Variants in RELN observed in about 807,000 individuals in gnomAD.
RELN encodes the protein reelin.
In RELN, 108 loss-of-function variants were observed where a neutral mutation model predicts 427.6. That is an observed-to-expected ratio of 0.25 (90% CI 0.22 to 0.30). The LOEUF is 0.30. RELN is among the 10% of genes least tolerant of loss of function. The pLI, the probability that RELN is intolerant of heterozygous loss-of-function variation, is 1.00. For missense variants in RELN, 3,715 were observed against 4,302.8 expected (o/e 0.86, Z 3.82); for synonymous variants, 1,524 against 1,513.4 (o/e 1.01, Z -0.16).
intron 20 of RELN, among the ~76,000 whole-genome samples, chr7:103,617,810 A>G (rs1477640221): frequency 6.6e-6 from 1 of 152,058 alleles, no homozygotes; most frequent in Non-Finnish European, 1.5e-5. Flanking sequence ...ATAGCGGTGG[A>G]TCTTTCATGA....
At chr7:103,835,960 T>TCA (rs1266094714) in intron 2 of RELN, among the ~76,000 whole-genome samples, 471 of 151,462 alleles carry the variant, frequency 3.1e-3, no homozygotes, top group African/African-American at 0.011. Context: ...TACCCTTTTT[T>TCA]TTTTTTTTTT....
intron 3 of RELN, among the ~76,000 whole-genome samples, chr7:103,798,572 A>G (rs1792367591): frequency 6.6e-6 from 1 of 152,168 alleles, no homozygotes; most frequent in Non-Finnish European, 1.5e-5. Flanking sequence ...CTGACTTCTC[A>G]GATATAGGAT....
rs182519899 is a variant in RELN, at chr7:103,757,524, T to C, written c.545-4310A>G. Among the ~76,000 whole-genome samples, 14 of 152,288 alleles carry C rather than the reference T, an allele frequency of 9.2e-5. No individual in the cohort carries two copies. In the East Asian group the frequency reaches 2.1e-3, roughly 23 times the overall value. On this transcript the variant is annotated intron_variant, in intron 4 of 64. Transcript: ENST00000428762. ...TTAAAACCTAGCAACGACATAAAAT[T>C]GTCAAATGGCTTAAACTAGGGAGTT...
chr7:103,766,728 C>T (rs912568661), intron 4 of RELN, among the ~76,000 whole-genome samples: 7 of 152,220 alleles, frequency 4.6e-5, no homozygotes, highest in African/African-American at 1.2e-4. Flanking sequence ...CTGCCTACCA[C>T]CACGATCCAA....
At chr7:103,718,312 TAAAAAC>T (rs1789991294) in intron 8 of RELN, among the ~76,000 whole-genome samples, 1 of 83,132 alleles carries the variant, frequency 1.2e-5, no homozygotes, top group Non-Finnish European at 2.6e-5. Context: ...CTTGAAATGA[TAAAAAC>T]AAAAACAAAG....
Position 103,530,350 on chromosome 7 carries a change from T to C in RELN, c.7349+4966A>G, listed in dbSNP as rs1416648830. 2.0e-5 allele frequency among the ~76,000 whole-genome samples: 3 copies of C among 152,382 alleles called. 1 individual carries two copies. The South Asian group carries it at 6.2e-4, about 32-fold the overall frequency. On this transcript the variant is annotated intron_variant, in intron 46 of 64. Coordinates refer to ENST00000428762, the MANE Select transcript of RELN (RefSeq NM_005045.4). Reference sequence around the variant, plus strand: ...GAAGGAGAAATTAGTGACTGGGTTTTAATCAATTCTTTCTTTGAAATGCTC... The same window carrying C: ...GAAGGAGAAATTAGTGACTGGGTTTCAATCAATTCTTTCTTTGAAATGCTC...
chr7:103,907,568 A>T (rs1795241910), intron 2 of RELN, among the ~76,000 whole-genome samples: 1 of 151,594 alleles, frequency 6.6e-6, no homozygotes, highest in Non-Finnish European at 1.5e-5. Flanking sequence ...GAGAATAGAG[A>T]GTGACTGCTA....
intron 10 of RELN, among the ~76,000 whole-genome samples, chr7:103,684,410 C>T (rs1340988265): frequency 6.6e-6 from 1 of 152,170 alleles, no homozygotes; most frequent in Non-Finnish European, 1.5e-5. Flanking sequence ...TTTCTATCTG[C>T]ATTTCTGGCT....
chr7:103,575,422 C>G, intron 29 of RELN, 126 bp downstream of exon 29: 1 of 1,143,798 alleles, frequency 8.7e-7, no homozygotes, highest in Non-Finnish European at 1.3e-6. Flanking sequence ...TTGTGAATTC[C>G]TACAATTCCT....
intron 7 of RELN, among the ~76,000 whole-genome samples, chr7:103,725,190 T>C (rs1041491514): frequency 2.0e-5 from 3 of 152,218 alleles, no homozygotes; most frequent in South Asian, 4.1e-4. Flanking sequence ...AATTTTTTAT[T>C]GAGTTTGATA....
intron 22 of RELN, among the ~76,000 whole-genome samples, chr7:103,606,164 T>C (rs544823899): frequency 6.6e-6 from 1 of 152,210 alleles, no homozygotes; most frequent in African/African-American, 2.4e-5. Context: ...TCTTTTAAGA[T>C]AGATTTTAAT....
At chr7:103,478,605 C>T (rs1828120473) in intron 63 of RELN, 2 of 532,114 alleles carry the variant, frequency 3.8e-6, no homozygotes, top group African/African-American at 3.8e-5. Flanking sequence ...TGTAATGTAA[C>T]ATGCAATATT....
chr7:103,613,095 T>C (rs573587594), intron 20 of RELN, among the ~76,000 whole-genome samples: 86 of 152,318 alleles, frequency 5.6e-4, no homozygotes, highest in African/African-American at 2.0e-3. Context: ...AATACCCACA[T>C]TACTTTCCTT....
At chr7:103,754,455 C>A (rs1257372717) in intron 4 of RELN, among the ~76,000 whole-genome samples, 1 of 151,614 alleles carries the variant, frequency 6.6e-6, no homozygotes, top group South Asian at 2.1e-4. Flanking sequence ...AAAAGGAAGA[C>A]CGAGTCACTC....
At chr7:103,488,562 C>G (rs1449831141) in intron 60 of RELN, among the ~76,000 whole-genome samples, 1 of 152,146 alleles carries the variant, frequency 6.6e-6, no homozygotes, top group African/African-American at 2.4e-5. Context: ...GATTTCAATT[C>G]AAGGAAACAA....
intron 3 of RELN, among the ~76,000 whole-genome samples, chr7:103,812,302 G>A (rs987876699): frequency 6.6e-6 from 1 of 152,108 alleles, no homozygotes; most frequent in Non-Finnish European, 1.5e-5. Flanking sequence ...TCACTATCTG[G>A]CCCCTTCTTG....
At chr7:103,477,022 A>G (rs1363940124) in intron 64 of RELN, among the ~76,000 whole-genome samples, 1 of 152,240 alleles carries the variant, frequency 6.6e-6, no homozygotes. Context: ...GGTTGTGGAT[A>G]GAACTAGGTC....
chr7:103,843,954 G>A (rs545536434), intron 2 of RELN, among the ~76,000 whole-genome samples: 5 of 152,042 alleles, frequency 3.3e-5, no homozygotes, highest in East Asian at 1.9e-4. Flanking sequence ...TAATCACTTC[G>A]CACTGCCTGC....
chr7:103,775,792 C>T (rs1312119349), intron 4 of RELN, among the ~76,000 whole-genome samples: 2 of 152,160 alleles, frequency 1.3e-5, no homozygotes, highest in Non-Finnish European at 2.9e-5. Context: ...ATGACTTACA[C>T]GGTAAGCTCT....
Sources: allele counts gnomAD v4.1 joint callset (sites outside exome capture counted in the v4.1 genomes callset), GRCh38; gene constraint gnomAD v4.1.1; transcripts MANE v1.5; gene names NCBI Gene and HGNC (gene_info 2026-07-23, HGNC 2026-07-21).